AVEN: variants seen among roughly 807,000 people sequenced by gnomAD.
AVEN encodes apoptosis and caspase activation inhibitor, also known as cell death regulator Aven.
A neutral mutation model predicts 38.1 loss-of-function variants in AVEN; 41 were observed. The ratio of observed to expected loss-of-function variants is 1.08; its 90% CI spans 0.84 to 1.40. The LOEUF is 1.40. Ranked by LOEUF, AVEN falls within the 40% of genes most tolerant of loss-of-function variation. The pLI, the probability that AVEN is intolerant of heterozygous loss-of-function variation, is 0.00. For synonymous variants in AVEN, 206 were observed against 171.8 expected (o/e 1.20, Z -1.56); for missense variants, 605 against 438.8 (o/e 1.38, Z -3.38).
chr15:33,853,695 T>C, the AVEN span: 3 of 1,609,960 alleles, frequency 1.9e-6, no homozygotes, highest in Non-Finnish European at 2.5e-6. Context: ...ACAAAAAGCT[T>C]AGGAGTTCAA....
downstream of AVEN, among the ~76,000 whole-genome samples, chr15:33,861,610 C>CTCTT (rs1449077532): frequency 1.3e-5 from 2 of 151,894 alleles, no homozygotes; most frequent in African/African-American, 4.8e-5. Flanking sequence ...TTCAATTTTT[C>CTCTT]TCTTTTCATT....
intron 1 of AVEN, among the ~76,000 whole-genome samples, chr15:34,018,049 T>C (rs1365688472): frequency 6.6e-6 from 1 of 152,164 alleles, no homozygotes; most frequent in Admixed American, 6.5e-5. Context: ...TACTAAATGG[T>C]TTATGTATTT....
At position 33,946,377 on chromosome 15, in the gene AVEN, C is replaced by T. The variant is rs972364389; in HGVS notation, c.445+56655G>A. On this transcript the variant is annotated intron_variant, in intron 2 of 5. Transcript: ENST00000306730. ...ACTCCCCCTCATCTCCTGTCCAACA[C>T]AATAAATCACATAACCAACACTCCT... 6.6e-5 allele frequency among the ~76,000 whole-genome samples: 10 copies of T among 152,070 alleles called. 1 individual carries two copies. The highest frequency in any genetic ancestry group is 5.9e-4 in the Admixed American group (9 of 15,252).
chr15:34,055,837 TAAATA>T (rs1288916031), intron 5 of AVEN, among the ~76,000 whole-genome samples: 1 of 151,972 alleles, frequency 6.6e-6, no homozygotes, highest in Admixed American at 6.6e-5. Flanking sequence ...AATAAACAAA[TAAATA>T]AAATGTGGAA....
chr15:34,063,476 C>T lies in AVEN; in HGVS notation n.1127-44G>A. 1 of 1,613,874 alleles carries T rather than the reference C, an allele frequency of 6.2e-7. No homozygotes were observed. Among genetic ancestry groups the T allele is most frequent in the Non-Finnish European group, 8.5e-7 (1 of 1,180,032 alleles). ...CTCATAGGGCTCTGTTCAGATCCTG[C>T]TTGCGCTGTCCTCGACCCACCCTGG... On this transcript the variant is annotated intron_variant and non_coding_transcript_variant, in intron 4 of 11. Coordinates refer to the AVEN transcript ENST00000675287. This position sits in a 1 kb window ranked among gnomAD's most constrained non-coding sequence, Gnocchi z 4.1.
downstream of AVEN, chr15:33,856,670 GT>G: frequency 6.4e-6 from 1 of 156,570 alleles, no homozygotes; most frequent in Non-Finnish European, 1.4e-5. Flanking sequence ...TTGTTTGTTT[GT>G]TTTTTTGAGA....
At chr15:33,902,067 CT>C (rs1232738310) in intron 2 of AVEN, among the ~76,000 whole-genome samples, 3 of 152,180 alleles carry the variant, frequency 2.0e-5, no homozygotes, top group African/African-American at 2.4e-5. Context: ...GCTTTTGTAG[CT>C]TGAACTTTAG....
At chr15:34,038,732 T>A in intron 1 of AVEN, 48 bp downstream of exon 1, 14 of 1,131,778 alleles carry the variant, frequency 1.2e-5, no homozygotes, top group African/African-American at 1.7e-5. Context: ...TCGGCCCCAC[T>A]TGCCCCAGTT....
rs531224218 is a variant in AVEN at position 33,996,472 on chromosome 15, G to A, written c.445+6560C>T. On this transcript the variant is annotated intron_variant, in intron 2 of 5. Coordinates refer to ENST00000306730, the MANE Select transcript of AVEN (RefSeq NM_020371.3). ...ATACAGGCGGGTGCCCCTCTGGGAC[G>A]AAGCTTCCAGAGGAAGGATCAGGCA... is the stretch of plus-strand genomic sequence containing the variant. 4.0e-3 allele frequency among the ~76,000 whole-genome samples: 609 copies of A among 152,288 alleles called. 3 individuals carry two copies. The highest frequency in any genetic ancestry group is 0.013 in the African/African-American group (555 of 41,552).
intron 5 of AVEN, among the ~76,000 whole-genome samples, chr15:34,044,256 G>C (rs1413985178): frequency 1.3e-5 from 2 of 151,956 alleles, no homozygotes; most frequent in African/African-American, 4.8e-5. Context: ...AGCCTTTTGT[G>C]CCCACCACTT....
In AVEN at chr15:33,889,624, C is replaced by G. The variant is rs183101580; in HGVS notation, c.446-13629G>C. The stretch of plus-strand genomic sequence containing the variant: ...AAAAAATACGCATCCAACTTGCCTT[C>G]TCATCTCATTAGGTTTTCTTTTATT... On this transcript the variant is annotated intron_variant, in intron 2 of 5. Transcript: ENST00000306730. Among the ~76,000 whole-genome samples the G allele has an allele frequency of 1.0e-3, 153 of 152,200 alleles. 1 individual carries two copies. The highest frequency in any genetic ancestry group is 2.0e-3 in the Non-Finnish European group (134 of 67,994).
rs150471920 is a variant in AVEN, at chr15:33,924,756, T to G, written c.446-48761A>C. Among the ~76,000 whole-genome samples the G allele has an allele frequency of 1.4e-4, 22 of 152,342 alleles. No individual in the cohort carries two copies. In the East Asian group the frequency reaches 4.2e-3, roughly 29 times the overall value. On this transcript the variant is annotated intron_variant, in intron 2 of 5. Transcript: ENST00000306730. Reference sequence around the variant, plus strand: ...TTTATAGAGATGTAAGCTTTCAGAGTACCTTCTTGCTTCAACTGTAGAATA... The same window carrying G: ...TTTATAGAGATGTAAGCTTTCAGAGGACCTTCTTGCTTCAACTGTAGAATA...
In AVEN at chr15:33,866,694, G is replaced by GT. The variant is rs762994866; in HGVS notation, c.1007dup (p.Asn336LysfsTer5). 6.2e-7 allele frequency: 1 copy of GT among 1,613,694 alleles called. No homozygotes were observed. Among genetic ancestry groups the GT allele is most frequent in the South Asian group, 1.1e-5 (1 of 91,074 alleles). On this transcript the variant is annotated frameshift_variant, in exon 6 of 6. Coordinates refer to ENST00000306730, the MANE Select transcript of AVEN (RefSeq NM_020371.3). LOFTEE classifies it high-confidence loss of function. ...AGGTACTTGGTTGCTCAGGTTCCAT[G>GT]TTTTTTTCTTCAGTCACAGATGGTT...
rs750341002 is a variant in AVEN at position 33,859,683 on chromosome 15, A to G, written n.2730-589T>C. The G allele has an allele frequency of 5.0e-6, 8 of 1,613,712 alleles. No homozygotes were observed. In the East Asian group the frequency reaches 1.8e-4, roughly 36 times the overall value. ...TGAAATGTATCGCATTGTCTTTGACATTACCTTTTTCTTCTTCGTCATTGT... is the reference window on the plus strand; with the variant it reads ...TGAAATGTATCGCATTGTCTTTGACGTTACCTTTTTCTTCTTCGTCATTGT... On this transcript the variant is annotated intron_variant and non_coding_transcript_variant, in intron 11 of 11. Transcript: ENST00000675287.
At chr15:33,973,165 TGTC>T (rs999874231) in intron 2 of AVEN, among the ~76,000 whole-genome samples, 5 of 152,236 alleles carry the variant, frequency 3.3e-5, no homozygotes, top group Admixed American at 1.3e-4. Flanking sequence ...GTCACACTGT[TGTC>T]ATCATCAGAC....
chr15:34,017,517 A>G (rs1475301849), intron 1 of AVEN, among the ~76,000 whole-genome samples: 2 of 118,974 alleles, frequency 1.7e-5, no homozygotes, highest in Non-Finnish European at 3.2e-5. Context: ...GGGTCTTGCT[A>G]TGTCATCCAG....
chr15:33,964,759 C>CAAG (rs1377640671), intron 2 of AVEN, among the ~76,000 whole-genome samples: 2 of 152,024 alleles, frequency 1.3e-5, no homozygotes, highest in African/African-American at 4.8e-5. Context: ...GACATAGAAA[C>CAAG]AAGAAGAACA....
intron 4 of AVEN, chr15:34,064,009 G>C (rs774093394): frequency 1.9e-6 from 3 of 1,614,174 alleles, no homozygotes; most frequent in Non-Finnish European, 2.5e-6. Flanking sequence ...AAACGAAAGA[G>C]AGTGGTCCTA....
At chr15:34,064,036 C>G in intron 4 of AVEN, 1 of 1,614,168 alleles carries the variant, frequency 6.2e-7, no homozygotes, top group Non-Finnish European at 8.5e-7. Flanking sequence ...GAGAGGAAAG[C>G]AGCCCAGACA....
Sources: gnomAD v4.1 joint callset for allele counts (sites outside exome capture counted in the v4.1 genomes callset) on GRCh38, gnomAD v4.1.1 for gene constraint, Gnocchi (gnomAD v3.1) non-coding constraint, MANE v1.5 for transcripts, NCBI Gene and HGNC (gene_info 2026-07-23, HGNC 2026-07-21) for gene names.